The following METTL21C variants were observed in gnomAD, a reference collection of about 807,000 sequenced individuals.
METTL21C encodes the protein protein-lysine methyltransferase METTL21C.
Under a neutral mutation model 25.9 loss-of-function variants are expected in METTL21C, and 21 were observed. The ratio of observed to expected loss-of-function variants is 0.81; its 90% CI spans 0.58 to 1.17. The LOEUF (loss-of-function observed/expected upper bound fraction) is 1.17. Among genes scored for constraint, METTL21C ranks in the 50% most tolerant of loss-of-function variants. METTL21C has a pLI of 0.00. For synonymous variants in METTL21C, 125 were observed against 124.7 expected, an observed-to-expected ratio of 1.00 and a Z score of -0.01; for missense variants, 312 against 315.1, an observed-to-expected ratio of 0.99 and a Z score of 0.07.
At chr13:102,687,557 G>A (rs926001541) in intron 2 of METTL21C, among the ~76,000 whole-genome samples, 9 of 152,178 alleles carry the variant, frequency 5.9e-5, no homozygotes, top group Admixed American at 5.2e-4. Context: ...TTGCCGTATT[G>A]AGCGACGGGT....
chr13:102,689,713 C>G (rs1885778187), intron 2 of METTL21C, among the ~76,000 whole-genome samples: 1 of 152,246 alleles, frequency 6.6e-6, no homozygotes, highest in South Asian at 2.1e-4. Context: ...TATCTTGGCT[C>G]TGCCCTGCAC....
chr13:102,699,715 C>T (rs1886002257), upstream of METTL21C, among the ~76,000 whole-genome samples: 1 of 152,196 alleles, frequency 6.6e-6, no homozygotes, highest in Non-Finnish European at 1.5e-5. Context: ...CATGCAATTT[C>T]ATAACTTCTG....
At chr13:102,700,634 T>G in the METTL21C span, among the ~76,000 whole-genome samples, 21 of 152,362 alleles carry the variant, frequency 1.4e-4, no homozygotes, top group East Asian at 4.0e-3. Context: ...AGGGATACTC[T>G]GGCAACGACA....
upstream of METTL21C, among the ~76,000 whole-genome samples, chr13:102,698,637 T>A (rs1885984757): frequency 6.6e-6 from 1 of 151,906 alleles, no homozygotes; most frequent in Non-Finnish European, 1.5e-5. Context: ...CCCTGACCAA[T>A]CAATGACCCC....
intron 2 of METTL21C, among the ~76,000 whole-genome samples, chr13:102,688,278 T>G (rs1235066741): frequency 6.6e-6 from 1 of 152,222 alleles, no homozygotes; most frequent in Non-Finnish European, 1.5e-5. Flanking sequence ...CGTCACTCCA[T>G]TTCATCCTCA....
At chr13:102,686,894 G>T in intron 3 of METTL21C, 46 bp downstream of exon 3, 2 of 1,464,010 alleles carry the variant, frequency 1.4e-6, no homozygotes, top group Non-Finnish European at 1.9e-6. Flanking sequence ...TGCTATTGTT[G>T]TTACAGTAAA....
upstream of METTL21C, among the ~76,000 whole-genome samples, chr13:102,696,436 A>G (rs1025393797): frequency 2.0e-5 from 3 of 151,792 alleles, no homozygotes; most frequent in Non-Finnish European, 4.4e-5. Flanking sequence ...GATGGGTGCA[A>G]CAAACCACCA....
chr13:102,695,398 G>A (rs1885931569), upstream of METTL21C, among the ~76,000 whole-genome samples: 1 of 152,072 alleles, frequency 6.6e-6, no homozygotes, highest in Non-Finnish European at 1.5e-5. Flanking sequence ...CAAAAGGGAA[G>A]GAGAAAAATC....
upstream of METTL21C, among the ~76,000 whole-genome samples, chr13:102,699,825 TG>T: frequency 6.6e-6 from 1 of 152,266 alleles, no homozygotes; most frequent in East Asian, 1.9e-4. Flanking sequence ...AGCCCTGCAC[TG>T]GCCAGACTTC....
At position 102,695,001 on chromosome 13, in the gene METTL21C, C is replaced by G. The variant is rs547863637; in HGVS notation, c.-503G>C. Among the ~76,000 whole-genome samples the G allele has an allele frequency of 1.3e-5, 2 of 152,158 alleles. No homozygotes were observed. Among genetic ancestry groups the G allele is most frequent in the South Asian group, 4.2e-4 (2 of 4,814 alleles). On this transcript the variant is annotated 5_prime_UTR_variant, in exon 1 of 4. Transcript: ENST00000267273. ...GAATATCACTGGAACAGAACAGAGG[C>G]TGCCCCTGTGGCATCCAGTTGCTGC... is the stretch of plus-strand genomic sequence containing the variant.
chr13:102,695,521 A>G (rs979853412), upstream of METTL21C, among the ~76,000 whole-genome samples: 4 of 152,242 alleles, frequency 2.6e-5, no homozygotes, highest in Non-Finnish European at 4.4e-5. Context: ...ACATTCAACC[A>G]GGGAGTTGGA....
Position 102,694,892 on chromosome 13 carries a change from TCTCTCTCTCACA to T in METTL21C, c.-406_-395del, listed in dbSNP as rs1483156659. Among the ~76,000 whole-genome samples the T allele has an allele frequency of 1.4e-5, 2 of 142,378 alleles. No homozygotes were observed. Among genetic ancestry groups the T allele is most frequent in the East Asian group, 2.2e-4 (1 of 4,640 alleles). The allele number at this position is 142,378 out of a possible 152,430, so 93.4% of individuals were successfully genotyped here. A position where few individuals can be genotyped will look rare whatever the true frequency, so the allele number is the denominator to read the frequency against. ...CTCTCTTTCTCTCTCTCTCTCTCTC[TCTCTCTCTCACA>T]CACACACACACACACACACACACAC... On this transcript the variant is annotated 5_prime_UTR_variant, in exon 1 of 4. It removes the in-frame stop codon of an upstream open reading frame in the 5' UTR. Transcript: ENST00000267273.
chr13:102,686,906 A>G (rs2139640206), intron 3 of METTL21C, 34 bp downstream of exon 3: 1 of 1,527,698 alleles, frequency 6.5e-7, no homozygotes, highest in South Asian at 1.1e-5. Context: ...TACAGTAAAG[A>G]TCTGGATACT....
At chr13:102,687,414 T>C (rs1566387617) in intron 2 of METTL21C, among the ~76,000 whole-genome samples, 1 of 152,246 alleles carries the variant, frequency 6.6e-6, no homozygotes, top group African/African-American at 2.4e-5. Context: ...GCTTTAGGAA[T>C]GTTGTTTTAT....
chr13:102,685,826 C>G lies in METTL21C; in HGVS notation c.*205G>C. On this transcript the variant is annotated 3_prime_UTR_variant, in exon 4 of 4. Coordinates refer to ENST00000267273, the MANE Select transcript of METTL21C (RefSeq NM_001010977.3). The stretch of plus-strand genomic sequence containing the variant: ...GCTACTTTCATGTTTTTATGTTGTT[C>G]TTTTTAGATATTTAGATTAACCAGA... 1 of 504,574 alleles carries G rather than the reference C, an allele frequency of 2.0e-6. No individual in the cohort carries two copies. The highest frequency in any genetic ancestry group is 4.1e-5 in the South Asian group (1 of 24,208). The allele number at this position is 504,574 out of a possible 1,614,324, so 31.3% of individuals were successfully genotyped here.
chr13:102,699,424 G>T (rs142614380), upstream of METTL21C, among the ~76,000 whole-genome samples: 9 of 152,270 alleles, frequency 5.9e-5, no homozygotes, highest in African/African-American at 9.6e-5. Context: ...ACCACAGCTC[G>T]CCCTGGGCTG....
At chr13:102,687,602 C>T (rs1049552795) in intron 2 of METTL21C, among the ~76,000 whole-genome samples, 1 of 152,168 alleles carries the variant, frequency 6.6e-6, no homozygotes, top group Non-Finnish European at 1.5e-5. Flanking sequence ...TTCTAAGAAA[C>T]AGACAGTTCA....
chr13:102,689,633 G>T (rs1307368434), intron 2 of METTL21C, among the ~76,000 whole-genome samples: 3 of 152,210 alleles, frequency 2.0e-5, no homozygotes, highest in Non-Finnish European at 4.4e-5. Context: ...CTTCTGATCT[G>T]GAGCCTTTCT....
At chr13:102,704,158 T>C in the METTL21C span, among the ~76,000 whole-genome samples, 17 of 152,250 alleles carry the variant, frequency 1.1e-4, no homozygotes, top group African/African-American at 4.1e-4. Context: ...AAAAGCTTAA[T>C]TTTTAACGTC....
Sources: gnomAD v4.1 joint callset for allele counts (sites outside exome capture counted in the v4.1 genomes callset) on GRCh38, gnomAD v4.1.1 for gene constraint, MANE v1.5 for transcripts, NCBI Gene and HGNC (gene_info 2026-07-23, HGNC 2026-07-21) for gene names.